SUN1: variants seen among roughly 807,000 people sequenced by gnomAD.
SUN1 encodes the protein Sad1 and UNC84 domain containing 1, also known as SUN domain-containing protein 1.
Under a neutral mutation model 103.2 loss-of-function variants are expected in SUN1, and 61 were observed. The observed-to-expected ratio is 0.59, with a 90% CI of 0.48 to 0.73. The LOEUF is 0.73. SUN1 is among the 30% of genes least tolerant of loss of function. The probability of loss-of-function intolerance (pLI) is 0.00; values close to 1 mark genes in which losing one functional copy is unlikely to be tolerated. For synonymous variants in SUN1, 490 were observed against 425.7 expected, an observed-to-expected ratio of 1.15 and a Z score of -1.86; for missense variants, 1,052 against 1,034.6, an observed-to-expected ratio of 1.02 and a Z score of -0.23.
rs374025187 is a variant in SUN1, at chr7:851,411, G to C, written c.686G>C (p.Arg229Thr). The change falls in exon 6 of 19, where the codon AGG becomes ACG. Residue 229 changes from arginine to threonine, a missense_variant. Physicochemically the swap from Arg to Thr is moderately conservative, Grantham distance 71. Around this residue, in one of 2 missense-constraint regions of SUN1, gnomAD observed 846 missense variants for 774.5 expected, o/e 1.09. Coordinates refer to ENST00000401592, the MANE Select transcript of SUN1 (RefSeq NM_001130965.3). ...KCYFLLQILR[R>T]IGAVGQAVSR... ...TACTTCTTGCTGCAGATTCTGCGCA[G>C]GATCGGAGCTGTGGGCCAGGCTGTG... 12 of 1,608,814 alleles carry C rather than the reference G, an allele frequency of 7.5e-6. No individual in the cohort carries two copies. Among genetic ancestry groups the C allele is most frequent in the Non-Finnish European group, 1.0e-5 (12 of 1,177,714 alleles).
chr7:853,719 T>C, intron 10 of SUN1, 101 bp downstream of exon 10: 1 of 1,319,370 alleles, frequency 7.6e-7, no homozygotes, highest in Non-Finnish European at 1.0e-6. Flanking sequence ...AGAGGTGCCG[T>C]TGTGAAAAGG....
intron 1 of SUN1, among the ~76,000 whole-genome samples, chr7:824,855 G>A (rs916897483): frequency 2.0e-5 from 3 of 152,114 alleles, no homozygotes; most frequent in African/African-American, 7.2e-5. Flanking sequence ...AGAGCAGGGC[G>A]GGTGCGGGGT....
chr7:852,827 G>C lies in SUN1; in HGVS notation c.928G>C (p.Gly310Arg), dbSNP rs1429883803. 1.2e-6 allele frequency: 2 copies of C among 1,613,434 alleles called. No homozygotes were observed. Among genetic ancestry groups the C allele is most frequent in the Non-Finnish European group, 1.7e-6 (2 of 1,179,578 alleles). Residue 310 changes from glycine (G) to arginine (R), a missense_variant, in exon 9 of 19, where the codon GGC becomes CGC. By Grantham distance (125) the Gly-to-Arg change is moderately radical. Around this residue, in one of 2 missense-constraint regions of SUN1, gnomAD observed 846 missense variants for 774.5 expected, o/e 1.09. Coordinates refer to ENST00000401592, the MANE Select transcript of SUN1 (RefSeq NM_001130965.3). ...FLLLAGLSLR[G>R]QGNFFSFLPV... The stretch of plus-strand genomic sequence containing the variant: ...TCTTTTAGCAGGTCTCTCCTTACGG[G>C]GCCAGGGCAATTTCTTTTCGTTCTT...
At chr7:852,425 T>TCG in intron 7 of SUN1, 184 bp from the exon 8 acceptor site, 1 of 694,114 alleles carries the variant, frequency 1.4e-6, no homozygotes, top group Non-Finnish European at 2.4e-6. Context: ...AACGTAGGTC[T>TCG]CAAAGACACC....
At chr7:816,647 G>A in exon 1 of SUN1, 2 of 288,636 alleles carry the variant, frequency 6.9e-6, no homozygotes, top group Non-Finnish European at 1.4e-5. Flanking sequence ...CGGCGCAGAC[G>A]AGGCCTGAGG....
At chr7:823,809 A>C (rs943595858) in intron 1 of SUN1, among the ~76,000 whole-genome samples, 11 of 152,122 alleles carry the variant, frequency 7.2e-5, no homozygotes, top group African/African-American at 2.7e-4. Flanking sequence ...GGCATGGGGC[A>C]CGCGCCCTGG....
At chr7:852,495 T>G in intron 7 of SUN1, 114 bp from the exon 8 acceptor site, 1 of 1,276,932 alleles carries the variant, frequency 7.8e-7, no homozygotes, top group Non-Finnish European at 1.1e-6. Context: ...CCGTAACTGC[T>G]TTTCTAATAC....
In SUN1 at chr7:856,421, A is replaced by G. The variant is rs1473504683; in HGVS notation, c.1394+20A>G. ...AATCAGGTAGGAGGATTTGGAAAACATTCACTTTTGTCTTCGGTGTGTGTG... is the reference window on the plus strand; with the variant it reads ...AATCAGGTAGGAGGATTTGGAAAACGTTCACTTTTGTCTTCGGTGTGTGTG... On this transcript the variant is annotated intron_variant, in intron 12 of 18. Transcript: ENST00000401592. The G allele has an allele frequency of 5.6e-6, 9 of 1,613,912 alleles. No homozygotes were observed. The highest frequency in any genetic ancestry group is 7.6e-6 in the Non-Finnish European group (9 of 1,179,806).
Position 820,725 on chromosome 7 carries a change from C to T in SUN1, c.-74+4052C>T, listed in dbSNP as rs115639375. On this transcript the variant is annotated intron_variant, in intron 1 of 17. Transcript: ENST00000389574. ...CATGTGAGGAAGTTCCCTTCCATTC[C>T]TGGCTTGTTGAGTGTTTTTACTATG... 8.5e-3 allele frequency among the ~76,000 whole-genome samples: 1,294 copies of T among 152,270 alleles called. 18 individuals carry two copies. Among genetic ancestry groups the T allele is most frequent in the Middle Eastern group, 0.027 (8 of 294 alleles).
intron 5 of SUN1, among the ~76,000 whole-genome samples, chr7:847,482 G>T (rs574384133): frequency 8.8e-6 from 1 of 114,074 alleles, no homozygotes; most frequent in South Asian, 3.0e-4. Context: ...TCCCCTGGGG[G>T]TTACCCCACA....
Position 850,780 on chromosome 7 carries a change from A to C in SUN1, c.659-604A>C, listed in dbSNP as rs942283885. On this transcript the variant is annotated intron_variant, in intron 5 of 18. Transcript: ENST00000401592. ...TGTCTCTTAAATTAAAAAAAAAAAA[A>C]AACAAAAAAAAACTGGAACAAAACA... The C allele has an allele frequency of 2.7e-5, 4 of 149,174 alleles. 1 individual carries two copies. The highest frequency in any genetic ancestry group is 1.3e-4 in the Admixed American group (2 of 14,886). 9.2% of individuals were successfully genotyped at this position (149,174 alleles called of 1,614,324 possible).
intron 11 of SUN1, among the ~76,000 whole-genome samples, 197 bp downstream of exon 11, chr7:855,203 A>T (rs1281115955): frequency 6.6e-6 from 1 of 152,128 alleles, no homozygotes; most frequent in Non-Finnish European, 1.5e-5. Context: ...TGTGTAACTC[A>T]CGCATCCCCG....
intron 1 of SUN1, among the ~76,000 whole-genome samples, chr7:823,204 T>G (rs1788071157): frequency 6.6e-6 from 1 of 152,202 alleles, no homozygotes; most frequent in South Asian, 2.1e-4. Context: ...CGAAGGTGAA[T>G]GAGGCACAGT....
chr7:829,565 T>C (rs947147795), upstream of SUN1, among the ~76,000 whole-genome samples: 7 of 151,514 alleles, frequency 4.6e-5, no homozygotes, highest in Middle Eastern at 3.2e-3. Flanking sequence ...TTTTTGTTTT[T>C]TTTTTTTGAG....
At chr7:850,231 C>T in intron 5 of SUN1, 1 of 575,546 alleles carries the variant, frequency 1.7e-6, no homozygotes, top group East Asian at 3.0e-5. Context: ...CGGAGTCTCA[C>T]TCTGTTGCCC....
rs112409600 is a variant in SUN1, at chr7:848,739, C to G, written c.659-2645C>G. On this transcript the variant is annotated intron_variant, in intron 5 of 18. Coordinates refer to ENST00000401592, the MANE Select transcript of SUN1 (RefSeq NM_001130965.3). The stretch of plus-strand genomic sequence containing the variant: ...CTCCTGTGGTCTTGGTGCTGGCTCT[C>G]TCCTGGCTTCCCCCTCTGGATCTTG... 1.6e-3 allele frequency: 851 copies of G among 548,348 alleles called. 6 individuals are homozygous for G. Among genetic ancestry groups the G allele is most frequent in the African/African-American group, 0.013 (669 of 50,224 alleles). 34.0% of individuals were successfully genotyped at this position (548,348 alleles called of 1,614,324 possible).
Position 854,940 on chromosome 7 carries a change from C to G in SUN1, c.1284C>G (p.His428Gln). 1 of 1,613,306 alleles carries G rather than the reference C, an allele frequency of 6.2e-7. No individual in the cohort carries two copies. The highest frequency in any genetic ancestry group is 8.5e-7 in the Non-Finnish European group (1 of 1,179,716). The part of the protein sequence containing the change: ...PPRETDFMAF[H>Q]QEHEVRMSHL... ...CTAAGACTGACTTTATGGCCTTTCA[C>G]CAAGAACATGAAGTGCGTATGTCAC... Residue 428 changes from histidine (H) to glutamine (Q), a missense_variant, in exon 11 of 19, where the codon CAC (histidine) becomes CAG (glutamine). His to Gln is a conservative substitution (Grantham distance 24). Transcript: ENST00000401592.
intron 1 of SUN1, among the ~76,000 whole-genome samples, chr7:822,960 CCACA>C (rs1275871278): frequency 1.4e-4 from 21 of 152,164 alleles, no homozygotes; most frequent in Non-Finnish European, 2.6e-4. Context: ...CCGTGAATTC[CCACA>C]CACACACGGC....
chr7:827,795 G>GA (rs1442453746), upstream of SUN1, among the ~76,000 whole-genome samples: 7 of 151,252 alleles, frequency 4.6e-5, no homozygotes, highest in South Asian at 1.3e-3. Context: ...AAGCATTCAA[G>GA]AAAAAAAACT....
Sources: gnomAD v4.1 joint callset for allele counts (sites outside exome capture counted in the v4.1 genomes callset) on GRCh38, gnomAD v4.1.1 for gene constraint, gnomAD v4.1.1 regional missense constraint, MANE v1.5 for transcripts, NCBI Gene and HGNC (gene_info 2026-07-23, HGNC 2026-07-21) for gene names.